Variants in PGLYRP4 observed in about 807,000 individuals in gnomAD.
PGLYRP4 encodes PGRP-I-beta.
A neutral mutation model predicts 41.2 loss-of-function variants in PGLYRP4; 39 were observed. The ratio of observed to expected loss-of-function variants is 0.95; its 90% confidence interval spans 0.73 to 1.24. PGLYRP4 has a LOEUF of 1.24. Ranked by LOEUF, PGLYRP4 falls within the 50% of genes most tolerant of loss-of-function variation. The pLI is 0.00. For missense variants in PGLYRP4, 467 were observed against 460.7 expected (o/e 1.01, Z -0.13); for synonymous variants, 202 against 186.8 (o/e 1.08, Z -0.66).
intron 8 of PGLYRP4, among the ~76,000 whole-genome samples, chr1:153,336,870 A>C (rs1210792547): frequency 3.9e-5 from 6 of 152,252 alleles, no homozygotes; most frequent in Non-Finnish European, 8.8e-5. Flanking sequence ...AACCAAGAGA[A>C]GATGCATCTG....
intron 7 of PGLYRP4, 74 bp downstream of exon 7, chr1:153,340,307 C>T (rs976275501): frequency 1.5e-5 from 21 of 1,357,608 alleles, no homozygotes; most frequent in Non-Finnish European, 2.1e-5. Context: ...TATTAGTTCC[C>T]TTTCCCCTTC....
rs776720991 is a variant in PGLYRP4 at position 153,340,381 on chromosome 1, T to C, written c.824A>G (p.Asn275Ser). 7.4e-6 allele frequency: 12 copies of C among 1,613,986 alleles called. 1 individual carries two copies. In the South Asian group the frequency reaches 1.3e-4, roughly 18 times the overall value. Residue 275 changes from asparagine (N) to serine (S), a missense_variant and splice_region_variant, in exon 7 of 9, where the codon AAC becomes AGC. Asn to Ser is a conservative substitution (Grantham distance 46). Transcript: ENST00000359650. Reference sequence around the variant, plus strand: ...GCCCAGTGTACCCAGACCCACTCACTTATAACCAATGTCGCATGACTTGAG... The same window carrying C: ...GCCCAGTGTACCCAGACCCACTCACCTATAACCAATGTCGCATGACTTGAG... Reference protein sequence around the residue: ...DRLKSCDIGYNFLVGQDGAIY... With the variant: ...DRLKSCDIGYSFLVGQDGAIY...
chr1:153,341,820 A>G (rs775010811), intron 5 of PGLYRP4, 41 bp from the exon 6 acceptor site: 10 of 1,582,198 alleles, frequency 6.3e-6, no homozygotes, highest in Non-Finnish European at 8.6e-6. Context: ...ACCCAGCCTG[A>G]GTTTCAGGGG....
In PGLYRP4 at chr1:153,330,934, T is replaced by C; in HGVS notation, c.955A>G (p.Asn319Asp). ...FMGTFTGIPP[N>D]AAALEAAQDL... ...TGGGCTGCCTCTAGTGCTGCAGCAT[T>C]GGGTGGTATACCTGCAAAACACAGC... Residue 319 changes from asparagine (N) to aspartate (D), a missense_variant, in exon 9 of 9, where the codon AAT (asparagine) becomes GAT (aspartate). By Grantham distance (23) the Asn-to-Asp change is conservative (BLOSUM62 1). Transcript: ENST00000359650. The C allele has an allele frequency of 6.2e-7, 1 of 1,613,052 alleles. No individual in the cohort carries two copies. Among genetic ancestry groups the C allele is most frequent in the Non-Finnish European group, 8.5e-7 (1 of 1,179,298 alleles).
At chr1:153,335,898 G>C (rs1425751970) in intron 8 of PGLYRP4, among the ~76,000 whole-genome samples, 2 of 152,034 alleles carry the variant, frequency 1.3e-5, no homozygotes, top group Non-Finnish European at 2.9e-5. Flanking sequence ...AATCCAAATA[G>C]TATCAACCCA....
chr1:153,341,949 G>T (rs1320805993), intron 5 of PGLYRP4, among the ~76,000 whole-genome samples, 170 bp from the exon 6 acceptor site: 4 of 152,208 alleles, frequency 2.6e-5, no homozygotes, highest in Non-Finnish European at 5.9e-5. Flanking sequence ...TTCCTGGAAA[G>T]ATCTCTCAGT....
At chr1:153,346,667 A>C (rs1011791119) in intron 2 of PGLYRP4, among the ~76,000 whole-genome samples, 1 of 152,180 alleles carries the variant, frequency 6.6e-6, no homozygotes, top group Non-Finnish European at 1.5e-5. Context: ...CTGAAGGCCC[A>C]TGGGGGATGG....
chr1:153,340,639 C>G, intron 6 of PGLYRP4, 60 bp from the exon 7 acceptor site: 1 of 1,532,048 alleles, frequency 6.5e-7, no homozygotes, highest in East Asian at 2.3e-5. Flanking sequence ...AGCCACTTCT[C>G]CACCGTAGGC....
At chr1:153,345,523 C>A in intron 3 of PGLYRP4, 141 bp from the exon 4 acceptor site, 1 of 681,820 alleles carries the variant, frequency 1.5e-6, no homozygotes, top group South Asian at 1.7e-5. Flanking sequence ...CCCACCTCTA[C>A]ATACCCATCT....
intron 6 of PGLYRP4, 107 bp from the exon 7 acceptor site, chr1:153,340,686 C>G: frequency 1.8e-6 from 2 of 1,123,296 alleles, no homozygotes; most frequent in Admixed American, 4.3e-5. Flanking sequence ...TCCCAAACCC[C>G]TCTGGGTCTC....
chr1:153,335,598 A>T (rs1283011048), intron 8 of PGLYRP4, among the ~76,000 whole-genome samples: 1 of 151,896 alleles, frequency 6.6e-6, no homozygotes, highest in Non-Finnish European at 1.5e-5. Context: ...GGTGGCATGC[A>T]CCTGTAGTCC....
rs184401603 is a variant in PGLYRP4, at chr1:153,348,570, G to C, written c.-89C>G. The stretch of plus-strand genomic sequence containing the variant: ...GTGCTGTCCCAGCCCAGCAGGTCAG[G>C]GTGCAGTCAGCTTGCCCCTGATTGG... On this transcript the variant is annotated 5_prime_UTR_variant, in exon 1 of 9. Transcript: ENST00000359650. 12 of 152,552 alleles carry C rather than the reference G, an allele frequency of 7.9e-5. No homozygotes were observed. Among genetic ancestry groups the C allele is most frequent in the African/African-American group, 2.4e-4 (10 of 41,582 alleles). 9.4% of individuals were successfully genotyped at this position (152,552 alleles called of 1,614,324 possible). A position where few individuals can be genotyped will look rare whatever the true frequency, so the allele number is the denominator to read the frequency against.
At chr1:153,347,142 C>T (rs1044488676) in intron 2 of PGLYRP4, among the ~76,000 whole-genome samples, 1 of 152,026 alleles carries the variant, frequency 6.6e-6, no homozygotes, top group East Asian at 1.9e-4. Flanking sequence ...GGCTCAATCT[C>T]GGCTCACTAC....
chr1:153,339,781 A>G (rs981049551), intron 7 of PGLYRP4, among the ~76,000 whole-genome samples: 3 of 152,222 alleles, frequency 2.0e-5, no homozygotes, highest in African/African-American at 7.2e-5. Context: ...GGGGAAAAAA[A>G]AAAGAAATGT....
At chr1:153,335,135 G>C (rs1026752185) in intron 8 of PGLYRP4, among the ~76,000 whole-genome samples, 1 of 151,986 alleles carries the variant, frequency 6.6e-6, no homozygotes, top group South Asian at 2.1e-4. Context: ...CATGGGCCTA[G>C]GCAAAGCATT....
Position 153,337,206 on chromosome 1 carries a change from G to A in PGLYRP4, c.918C>T (p.Gly306=), listed in dbSNP as rs2101560088. The A allele has an allele frequency of 6.2e-7, 1 of 1,612,558 alleles. No individual in the cohort carries two copies. The highest frequency in any genetic ancestry group is 8.5e-7 in the Non-Finnish European group (1 of 1,178,648). The stretch of plus-strand genomic sequence containing the variant: ...CTGTGAAGGTGCCCATGAAGGTAAT[G>A]CCCAGGGCAATGTCATCGTAGCCAG... ...STPGYDDIAL[G]ITFMGTFTGI... Residue 306 remains glycine (G), a synonymous_variant, in exon 8 of 9, where the codon GGC becomes GGT. Transcript: ENST00000359650.
Position 153,343,183 on chromosome 1 carries a change from C to T in PGLYRP4, c.379G>A (p.Val127Met), listed in dbSNP as rs768850513. Reference protein sequence around the residue: ...YNFLVGDDGRVYEGVGWNIQG... With the variant: ...YNFLVGDDGRMYEGVGWNIQG... ...ATATTCCAGCCAACACCTTCATACA[C>T]CCTGCCATCATCCCCAACCAGGAAG... Residue 127 changes from valine (V) to methionine (M), a missense_variant, in exon 5 of 9, where the codon GTG (valine) becomes ATG (methionine). Physicochemically the swap from Val to Met is conservative, Grantham distance 21. Coordinates refer to ENST00000359650, the MANE Select transcript of PGLYRP4 (RefSeq NM_020393.4). 6.2e-7 allele frequency: 1 copy of T among 1,613,564 alleles called. No homozygotes were observed.
chr1:153,345,116 T>A, intron 4 of PGLYRP4, 53 bp downstream of exon 4: 5 of 1,388,028 alleles, frequency 3.6e-6, no homozygotes, highest in Non-Finnish European at 5.0e-6. Flanking sequence ...AGGAGAAGCA[T>A]CCCAGGGAAG....
intron 2 of PGLYRP4, among the ~76,000 whole-genome samples, chr1:153,346,591 C>T (rs1557832581): frequency 6.6e-6 from 1 of 152,180 alleles, no homozygotes; most frequent in Non-Finnish European, 1.5e-5. Context: ...TTAGAATTAC[C>T]TGCACGGCTC....
Sources: allele counts gnomAD v4.1 joint callset (sites outside exome capture counted in the v4.1 genomes callset), GRCh38; gene constraint gnomAD v4.1.1; transcripts MANE v1.5; gene names NCBI Gene and HGNC (gene_info 2026-07-23, HGNC 2026-07-21).